Variants in CACNA1C observed in about 807,000 individuals in gnomAD.
CACNA1C encodes the protein calcium voltage-gated channel subunit alpha1 C.
Under a neutral mutation model 229.0 loss-of-function variants are expected in CACNA1C, and 30 were observed. That is an observed-to-expected ratio of 0.13 (90% confidence interval 0.10 to 0.18). The LOEUF (loss-of-function observed/expected upper bound fraction) is 0.18. Among genes scored for constraint, CACNA1C ranks in the 10% least tolerant of loss-of-function variants. The pLI is 1.00. For synonymous variants in CACNA1C, 1,114 were observed against 1,132.5 expected (o/e 0.98, Z 0.33); for missense variants, 1,658 against 2,845.0 (o/e 0.58, Z 9.49).
At chr12:2,090,012 G>C (rs1337864499) in intron 1 of CACNA1C, among the ~76,000 whole-genome samples, 1 of 152,116 alleles carries the variant, frequency 6.6e-6, no homozygotes, top group Non-Finnish European at 1.5e-5. Context: ...CTGGGTGACA[G>C]TGTGAGACTC....
chr12:2,462,364 G>C (rs1293508699), intron 5 of CACNA1C, among the ~76,000 whole-genome samples: 2 of 150,596 alleles, frequency 1.3e-5, no homozygotes, highest in Non-Finnish European at 2.9e-5. Flanking sequence ...GCACAGGCCT[G>C]CGTACCTCCT....
chr12:2,310,453 G>A (rs373627518), intron 3 of CACNA1C, among the ~76,000 whole-genome samples: 2 of 152,030 alleles, frequency 1.3e-5, no homozygotes, highest in African/African-American at 4.8e-5. Flanking sequence ...AAATGACATT[G>A]ACAGATAATA....
In CACNA1C at chr12:2,689,027, C is replaced by G. The variant is rs2097673703; in HGVS notation, c.6117+248C>G. On this transcript the variant is annotated intron_variant, in intron 46 of 46. Coordinates refer to ENST00000399655, the MANE Select transcript of CACNA1C (RefSeq NM_000719.7). This position sits in a 1 kb window ranked among gnomAD's most constrained non-coding sequence, Gnocchi z 4.2. ...CGGCAGAAACCACTGAGCAACTTAT[C>G]CCTTATACTGCAGCTGCTCGACATG... Among the ~76,000 whole-genome samples, 1 of 152,336 alleles carries G rather than the reference C, an allele frequency of 6.6e-6. No individual in the cohort carries two copies. Among genetic ancestry groups the G allele is most frequent in the South Asian group, 2.1e-4 (1 of 4,826 alleles).
At chr12:2,526,585 C>T (rs772038116) in intron 9 of CACNA1C, among the ~76,000 whole-genome samples, 1 of 152,216 alleles carries the variant, frequency 6.6e-6, no homozygotes, top group Non-Finnish European at 1.5e-5. Context: ...CCTCCTGCAC[C>T]CAGTTTGATT....
At chr12:2,123,836 C>T (rs2088377308) in intron 3 of CACNA1C, among the ~76,000 whole-genome samples, 1 of 152,140 alleles carries the variant, frequency 6.6e-6, no homozygotes, top group Non-Finnish European at 1.5e-5. Context: ...TTAGTTTCTT[C>T]ATTTATAAAA....
At chr12:2,056,681 A>T (rs2055057750) in intron 1 of CACNA1C, among the ~76,000 whole-genome samples, 1 of 152,222 alleles carries the variant, frequency 6.6e-6, no homozygotes, top group African/African-American at 2.4e-5. Flanking sequence ...CAGCTTGAGC[A>T]GGTTAAAGAA....
intron 28 of CACNA1C, 121 bp from the exon 29 acceptor site, chr12:2,611,782 G>C (rs1217634742): frequency 3.2e-6 from 2 of 632,366 alleles, no homozygotes; most frequent in African/African-American, 3.6e-5. Flanking sequence ...CGGCCCTCTG[G>C]GGGTTTGGTT....
intron 1 of CACNA1C, among the ~76,000 whole-genome samples, chr12:2,011,591 C>T (rs1256434169): frequency 2.0e-5 from 3 of 152,170 alleles, no homozygotes; most frequent in African/African-American, 7.2e-5. Context: ...ATTAAGCTAC[C>T]TCGGTTCATA....
At chr12:2,127,533 A>G (rs78945787) in intron 3 of CACNA1C, among the ~76,000 whole-genome samples, 7,383 of 152,294 alleles carry the variant, frequency 0.048, 451 homozygotes, top group African/African-American at 0.15. Flanking sequence ...ATAGATAACT[A>G]CAAGCAACAA....
chr12:2,671,086 C>T (rs1042801092), intron 38 of CACNA1C, among the ~76,000 whole-genome samples: 4 of 151,686 alleles, frequency 2.6e-5, no homozygotes, highest in African/African-American at 9.7e-5. Flanking sequence ...ACAATCTCGG[C>T]CTGCTGCAAC....
At chr12:2,331,748 C>T (rs955008306) in intron 3 of CACNA1C, among the ~76,000 whole-genome samples, 4 of 152,186 alleles carry the variant, frequency 2.6e-5, no homozygotes, top group African/African-American at 7.2e-5. Flanking sequence ...GCCCAAAATG[C>T]GTGATTCTGA....
intron 1 of CACNA1C, among the ~76,000 whole-genome samples, chr12:2,038,096 G>A (rs893756518): frequency 6.6e-6 from 1 of 152,046 alleles, no homozygotes; most frequent in African/African-American, 2.4e-5. Context: ...AAACCCTACT[G>A]ACGAAGACTG....
intron 3 of CACNA1C, among the ~76,000 whole-genome samples, chr12:2,227,257 GAAC>G (rs1267628831): frequency 6.6e-6 from 1 of 152,156 alleles, no homozygotes; most frequent in African/African-American, 2.4e-5. Context: ...TTTTCCCCAA[GAAC>G]ATGAGCATTT....
chr12:2,151,254 A>T (rs1358496838), intron 3 of CACNA1C, among the ~76,000 whole-genome samples: 1 of 151,196 alleles, frequency 6.6e-6, no homozygotes, highest in East Asian at 1.9e-4. Context: ...AAACTGAGGC[A>T]CAGTAAGATT....
At chr12:1,991,541 G>A (rs2039415789) in intron 1 of CACNA1C, 2 of 241,106 alleles carry the variant, frequency 8.3e-6, no homozygotes, top group East Asian at 2.3e-4. Context: ...TAATAATTGA[G>A]GTTTTTTCCT....
intron 3 of CACNA1C, among the ~76,000 whole-genome samples, chr12:2,273,031 CA>C: frequency 6.6e-6 from 1 of 152,268 alleles, no homozygotes; most frequent in East Asian, 1.9e-4. Flanking sequence ...GTTATTTGCC[CA>C]GGTGACTTTT....
rs2097283578 is a variant in CACNA1C, at chr12:2,354,049, A to G, written c.478-94927A>G. 6.6e-6 allele frequency among the ~76,000 whole-genome samples: 1 copy of G among 152,198 alleles called. No homozygotes were observed. The highest frequency in any genetic ancestry group is 2.1e-4 in the South Asian group (1 of 4,832). On this transcript the variant is annotated intron_variant, in intron 3 of 46. Coordinates refer to ENST00000399655, the MANE Select transcript of CACNA1C (RefSeq NM_000719.7). The surrounding 1 kb of genome is among the most constrained non-coding windows in gnomAD (Gnocchi z 4.6). Reference sequence around the variant, plus strand: ...GGAGACAAATGCCTGCCCAGCGACCACTGCAGGGTCCCGGGAGCTGGGTGA... The same window carrying G: ...GGAGACAAATGCCTGCCCAGCGACCGCTGCAGGGTCCCGGGAGCTGGGTGA...
Position 2,067,486 on chromosome 12 carries a change from G to GCGCGCA in CACNA1C, c.49+13877_49+13878insCGCACG, listed in dbSNP as rs2059795290. Among the ~76,000 whole-genome samples the GCGCGCA allele has an allele frequency of 6.6e-6, 1 of 151,378 alleles. No individual in the cohort carries two copies. The highest frequency in any genetic ancestry group is 1.5e-5 in the Non-Finnish European group (1 of 67,740). ...TGTGTGTGTGTGTGTGTGTGTGCGCGCGTGTGCGTGCCTGTATGTAAGGGC... is the reference window on the plus strand; with the variant it reads ...TGTGTGTGTGTGTGTGTGTGTGCGCGCGCGCACGTGTGCGTGCCTGTATGTAAGGGC... On this transcript the variant is annotated intron_variant, in intron 1 of 46. Transcript: ENST00000399655. This position sits in a 1 kb window ranked among gnomAD's most constrained non-coding sequence, Gnocchi z 5.3.
At chr12:2,081,309 GCCTGTAA>G (rs2065492577) in intron 1 of CACNA1C, among the ~76,000 whole-genome samples, 2 of 152,100 alleles carry the variant, frequency 1.3e-5, no homozygotes, top group African/African-American at 2.4e-5. Flanking sequence ...GGTGGCTCAC[GCCTGTAA>G]TCCCAACACT....
Sources: gnomAD v4.1 joint callset for allele counts (sites outside exome capture counted in the v4.1 genomes callset) on GRCh38, gnomAD v4.1.1 for gene constraint, Gnocchi (gnomAD v3.1) non-coding constraint, MANE v1.5 for transcripts, NCBI Gene and HGNC (gene_info 2026-07-23, HGNC 2026-07-21) for gene names.